PRKG1: variants seen among roughly 807,000 people sequenced by gnomAD.
PRKG1 encodes the protein protein kinase cGMP-dependent 1, also known as cGMP-dependent protein kinase 1.
PRKG1 carries 35 observed loss-of-function variants against 88.1 expected under a neutral mutation model. The observed-to-expected ratio is 0.40, with a 90% CI of 0.30 to 0.53. PRKG1 has a LOEUF of 0.53. Among genes scored for constraint, PRKG1 ranks in the 20% least tolerant of loss-of-function variants. The pLI is 0.59. For synonymous variants in PRKG1, 303 were observed against 292.5 expected (o/e 1.04, Z -0.37); for missense variants, 540 against 839.8 (o/e 0.64, Z 4.41).
intron 5 of PRKG1, among the ~76,000 whole-genome samples, chr10:51,926,673 C>T (rs926762267): frequency 6.6e-6 from 1 of 151,766 alleles, no homozygotes; most frequent in African/African-American, 2.4e-5. Context: ...AGCATTCCTC[C>T]TGTCCTGCCT....
chr10:51,744,878 C>T (rs1395311719), intron 3 of PRKG1, among the ~76,000 whole-genome samples: 2 of 152,096 alleles, frequency 1.3e-5, no homozygotes, highest in Non-Finnish European at 1.5e-5. Context: ...CAGCTACCAT[C>T]GAAGTGGGAA....
chr10:51,699,622 G>A lies in PRKG1; in HGVS notation c.593-104963G>A, dbSNP rs879226687. ...TCCTCTTGCGACCGACACTTCCGCT[G>A]AGCAACGGAAGCGGCTTTCAAGATC... is the stretch of plus-strand genomic sequence containing the variant. On this transcript the variant is annotated intron_variant, in intron 3 of 17. Transcript: ENST00000373980. The A allele has an allele frequency of 3.3e-6, 5 of 1,506,698 alleles. No homozygotes were observed. In the South Asian group the frequency reaches 6.5e-5, roughly 20 times the overall value. 93.3% of individuals were successfully genotyped at this position (1,506,698 alleles called of 1,614,324 possible). A position where few individuals can be genotyped will look rare whatever the true frequency, so the allele number is the denominator to read the frequency against.
chr10:51,704,778 T>C (rs1841564595), intron 3 of PRKG1, among the ~76,000 whole-genome samples: 1 of 152,078 alleles, frequency 6.6e-6, no homozygotes, highest in African/African-American at 2.4e-5. Flanking sequence ...CTGGGACAGA[T>C]TATAAAAGGT....
intron 9 of PRKG1, among the ~76,000 whole-genome samples, chr10:52,181,001 G>T (rs964682631): frequency 6.6e-6 from 1 of 152,168 alleles, no homozygotes; most frequent in Non-Finnish European, 1.5e-5. Flanking sequence ...TCCATGATTT[G>T]GGTGTAAGGC....
At chr10:51,214,163 C>G (rs1382995259) in intron 2 of PRKG1, among the ~76,000 whole-genome samples, 1 of 152,092 alleles carries the variant, frequency 6.6e-6, no homozygotes, top group Non-Finnish European at 1.5e-5. Context: ...TAAAGATATA[C>G]AATAGGTGAT....
intron 9 of PRKG1, among the ~76,000 whole-genome samples, chr10:52,163,198 T>G (rs1209948139): frequency 6.6e-6 from 1 of 151,104 alleles, no homozygotes; most frequent in Admixed American, 6.6e-5. Context: ...TCTTTTATAA[T>G]TTATGTCAGC....
At position 51,815,775 on chromosome 10, in the gene PRKG1, G is replaced by C. The variant is rs958750460; in HGVS notation, c.698+11085G>C. On this transcript the variant is annotated intron_variant, in intron 4 of 17. Transcript: ENST00000373980. ...AGGCGAACTCTTAACGGACAGCTTA[G>C]AATCTGGCTGTTGGGCAGCATGGGT... 2.0e-5 allele frequency among the ~76,000 whole-genome samples: 3 copies of C among 152,146 alleles called. No homozygotes were observed. In the South Asian group the frequency reaches 6.2e-4, roughly 31 times the overall value.
chr10:51,534,926 T>G (rs995117501), intron 3 of PRKG1, among the ~76,000 whole-genome samples: 2 of 152,142 alleles, frequency 1.3e-5, no homozygotes, highest in Admixed American at 1.3e-4. Flanking sequence ...TACATAGATC[T>G]CTGTAAATCA....
chr10:51,835,483 A>T (rs188244474), intron 4 of PRKG1, among the ~76,000 whole-genome samples: 71 of 152,350 alleles, frequency 4.7e-4, no homozygotes, highest in African/African-American at 1.7e-3. Flanking sequence ...GCAGAGCCCA[A>T]TACTCTCTCT....
chr10:52,179,943 T>A (rs1159593308), intron 9 of PRKG1, among the ~76,000 whole-genome samples: 5 of 152,210 alleles, frequency 3.3e-5, no homozygotes. Context: ...CGCTTTGGCA[T>A]CCCAAAGTGC....
At chr10:51,802,392 A>G (rs1026317182) in intron 3 of PRKG1, among the ~76,000 whole-genome samples, 1 of 152,202 alleles carries the variant, frequency 6.6e-6, no homozygotes, top group African/African-American at 2.4e-5. Context: ...CCATGTAAAC[A>G]GGAACCAAAA....
intron 1 of PRKG1, among the ~76,000 whole-genome samples, chr10:51,083,670 C>G (rs1264102802): frequency 6.6e-6 from 1 of 152,204 alleles, no homozygotes; most frequent in Non-Finnish European, 1.5e-5. Context: ...GTGGACAGAT[C>G]TGGGCATTGC....
At chr10:51,069,247 AT>A (rs1449670075) in intron 1 of PRKG1, among the ~76,000 whole-genome samples, 3 of 151,836 alleles carry the variant, frequency 2.0e-5, no homozygotes, top group Admixed American at 6.6e-5. Flanking sequence ...ATGGTTTATT[AT>A]TTTTTTCTTT....
chr10:51,886,694 A>G (rs1841578803), intron 4 of PRKG1, among the ~76,000 whole-genome samples: 1 of 152,216 alleles, frequency 6.6e-6, no homozygotes, highest in Non-Finnish European at 1.5e-5. Flanking sequence ...AGGTTTAACC[A>G]TGCTGTAACA....
intron 3 of PRKG1, among the ~76,000 whole-genome samples, chr10:51,716,038 A>G (rs558323288): frequency 1.3e-5 from 2 of 152,318 alleles, no homozygotes; most frequent in African/African-American, 4.8e-5. Context: ...GATGTCAAGC[A>G]TCATAATGGT....
intron 3 of PRKG1, among the ~76,000 whole-genome samples, chr10:51,589,261 G>A (rs1008262530): frequency 6.6e-6 from 1 of 152,160 alleles, no homozygotes; most frequent in Admixed American, 6.6e-5. Flanking sequence ...CCTGCCATGT[G>A]TGTAAGGTTT....
chr10:51,865,711 C>T (rs1202872136), intron 4 of PRKG1, among the ~76,000 whole-genome samples: 2 of 152,014 alleles, frequency 1.3e-5, no homozygotes, highest in African/African-American at 2.4e-5. Flanking sequence ...TGGACTGGCA[C>T]TCAGGTCAGA....
intron 2 of PRKG1, among the ~76,000 whole-genome samples, chr10:51,187,846 CTAGG>C (rs1837532830): frequency 6.6e-6 from 1 of 151,950 alleles, no homozygotes; most frequent in Admixed American, 6.6e-5. Context: ...TTCAGTTCCA[CTAGG>C]ATGGTTAAAA....
At chr10:52,107,203 A>G (rs368569692) in intron 7 of PRKG1, among the ~76,000 whole-genome samples, 1 of 152,212 alleles carries the variant, frequency 6.6e-6, no homozygotes, top group African/African-American at 2.4e-5. Context: ...CCAGAACAAG[A>G]TGTTACCCAG....
Sources: gnomAD v4.1 joint callset for allele counts (sites outside exome capture counted in the v4.1 genomes callset) on GRCh38, gnomAD v4.1.1 for gene constraint, MANE v1.5 for transcripts, NCBI Gene and HGNC (gene_info 2026-07-23, HGNC 2026-07-21) for gene names.